QTMAN: variants seen among roughly 807,000 people sequenced by gnomAD.
QTMAN encodes the protein tRNA-queuosine alpha-mannosyltransferase.
chr2:144,001,852 A>T, the QTMAN span, among the ~76,000 whole-genome samples: 2 of 151,840 alleles, frequency 1.3e-5, no homozygotes, highest in African/African-American at 2.4e-5. Flanking sequence ...AGGGGAAAAA[A>T]ATTTAGTCTA....
At chr2:144,008,324 G>GT in the QTMAN span, among the ~76,000 whole-genome samples, 164 of 150,958 alleles carry the variant, frequency 1.1e-3, 1 homozygote, top group Admixed American at 4.8e-3. Context: ...GGCCATTCCA[G>GT]TTTTTTTTTA....
the QTMAN span, among the ~76,000 whole-genome samples, chr2:144,259,824 T>C: frequency 6.5e-4 from 99 of 152,358 alleles, no homozygotes; most frequent in Admixed American, 2.9e-3. Flanking sequence ...ACTGGAATTT[T>C]CTAAGTGACC....
At chr2:144,284,858 C>A in the QTMAN span, among the ~76,000 whole-genome samples, 1 of 151,588 alleles carries the variant, frequency 6.6e-6, no homozygotes, top group Non-Finnish European at 1.5e-5. Context: ...CACGGCAAGA[C>A]CTCATCTCTA....
At chr2:144,245,573 T>A in the QTMAN span, among the ~76,000 whole-genome samples, 13 of 152,156 alleles carry the variant, frequency 8.5e-5, no homozygotes, top group African/African-American at 2.9e-4. Context: ...TATATACAAA[T>A]TATTTTCATC....
chr2:144,023,709 T>C, the QTMAN span, among the ~76,000 whole-genome samples: 1 of 152,202 alleles, frequency 6.6e-6, no homozygotes, highest in Non-Finnish European at 1.5e-5. Context: ...TTAATATTAT[T>C]GTGGGTCATA....
chr2:144,182,808 A>ATTTTATATATATTATATATATAAT, the QTMAN span, among the ~76,000 whole-genome samples: 1 of 52,528 alleles, frequency 1.9e-5, no homozygotes, highest in Non-Finnish European at 3.4e-5. Context: ...TTATATATAT[A>ATTTTATATATATTATATATATAAT]ATATATATAT....
the QTMAN span, among the ~76,000 whole-genome samples, chr2:144,266,203 A>G: frequency 6.6e-6 from 1 of 152,230 alleles, no homozygotes; most frequent in African/African-American, 2.4e-5. Context: ...AAACTTATGA[A>G]CAAATTACTG....
At chr2:144,269,550 C>T in the QTMAN span, among the ~76,000 whole-genome samples, 5 of 151,980 alleles carry the variant, frequency 3.3e-5, no homozygotes, top group Non-Finnish European at 7.4e-5. Context: ...ATCCTTCTCA[C>T]CCCAAAAATC....
the QTMAN span, among the ~76,000 whole-genome samples, chr2:143,988,043 G>A: frequency 5.9e-5 from 9 of 152,270 alleles, no homozygotes; most frequent in South Asian, 1.7e-3. Flanking sequence ...TTTTCCTCTA[G>A]AACCCAAGGA....
the QTMAN span, among the ~76,000 whole-genome samples, chr2:144,059,442 C>T: frequency 6.6e-6 from 1 of 152,126 alleles, no homozygotes; most frequent in Non-Finnish European, 1.5e-5. Flanking sequence ...TTTAGTACAC[C>T]ATCTGGCACA....
the QTMAN span, among the ~76,000 whole-genome samples, chr2:144,325,831 C>T: frequency 2.0e-5 from 3 of 152,134 alleles, no homozygotes; most frequent in Non-Finnish European, 2.9e-5. Flanking sequence ...AGAAATTTTA[C>T]AAAAACAGTT....
At chr2:144,046,945 A>C in the QTMAN span, among the ~76,000 whole-genome samples, 1 of 152,190 alleles carries the variant, frequency 6.6e-6, no homozygotes, top group African/African-American at 2.4e-5. Context: ...AGCTAATTGA[A>C]CACTAAAGTG....
At chr2:144,278,941 T>C in the QTMAN span, among the ~76,000 whole-genome samples, 1 of 152,190 alleles carries the variant, frequency 6.6e-6, no homozygotes, top group Non-Finnish European at 1.5e-5. Context: ...TTTAATCCTT[T>C]GAACATCCCA....
At chr2:144,070,373 CAT>C in the QTMAN span, among the ~76,000 whole-genome samples, 1 of 152,054 alleles carries the variant, frequency 6.6e-6, no homozygotes, top group Non-Finnish European at 1.5e-5. Context: ...CTAGTACCAA[CAT>C]ATTCAATTAT....
the QTMAN span, among the ~76,000 whole-genome samples, chr2:144,076,259 A>G: frequency 6.6e-6 from 1 of 152,176 alleles, no homozygotes; most frequent in African/African-American, 2.4e-5. Flanking sequence ...AAGAAAAAAG[A>G]AAAGAAAGAA....
chr2:144,130,992 G>T, the QTMAN span, among the ~76,000 whole-genome samples: 1 of 151,874 alleles, frequency 6.6e-6, no homozygotes, highest in East Asian at 1.9e-4. Context: ...GAGTTGAAAA[G>T]ATCTGATGGT....
the QTMAN span, among the ~76,000 whole-genome samples, chr2:144,147,625 C>T: frequency 6.6e-6 from 1 of 151,792 alleles, no homozygotes; most frequent in Non-Finnish European, 1.5e-5. Context: ...AGCAATGACG[C>T]CCATTCTTAA....
the QTMAN span, among the ~76,000 whole-genome samples, chr2:144,056,269 T>C: frequency 1.3e-5 from 2 of 152,228 alleles, no homozygotes; most frequent in African/African-American, 4.8e-5. Flanking sequence ...CTTTTAAATG[T>C]GAAATGTCAT....
the QTMAN span, among the ~76,000 whole-genome samples, chr2:144,040,752 A>C: frequency 6.6e-6 from 1 of 152,194 alleles, no homozygotes; most frequent in South Asian, 2.1e-4. Flanking sequence ...ACTTCAAAGA[A>C]ATAACTCAGT....
Sources: gnomAD v4.1 joint callset for allele counts (sites outside exome capture counted in the v4.1 genomes callset) on GRCh38, gnomAD v4.1.1 for gene constraint, MANE v1.5 for transcripts, NCBI Gene and HGNC (gene_info 2026-07-23, HGNC 2026-07-21) for gene names.